The following HIP1 variants were observed in gnomAD, a reference collection of about 807,000 sequenced individuals.
HIP1 encodes the protein huntingtin-interacting protein 1.
A neutral mutation model predicts 147.6 loss-of-function variants in HIP1; 65 were observed. The ratio of observed to expected loss-of-function variants is 0.44; its 90% CI spans 0.36 to 0.54. The LOEUF (loss-of-function observed/expected upper bound fraction) is 0.54. Among genes scored for constraint, HIP1 ranks in the 20% least tolerant of loss-of-function variants. HIP1 has a pLI of 0.00. For missense variants in HIP1, 1,061 were observed against 1,299.6 expected (o/e 0.82, Z 2.82); for synonymous variants, 479 against 504.0 (o/e 0.95, Z 0.67).
chr7:75,681,523 T>C (rs1800070002), intron 1 of HIP1, among the ~76,000 whole-genome samples: 2 of 114,420 alleles, frequency 1.7e-5, no homozygotes, highest in African/African-American at 3.5e-5. Flanking sequence ...TTTTTTTTTT[T>C]TGAGACAGGG....
chr7:75,556,259 A>C, intron 17 of HIP1, 90 bp from the exon 18 acceptor site: 3 of 1,446,262 alleles, frequency 2.1e-6, no homozygotes, highest in Non-Finnish European at 2.8e-6. Context: ...CCGGGTTGCA[A>C]GGACTGGGAA....
chr7:75,553,379 C>T (rs782269213), intron 22 of HIP1, 74 bp downstream of exon 22: 318 of 1,534,852 alleles, frequency 2.1e-4, no homozygotes, highest in Non-Finnish European at 2.6e-4. Context: ...AGAACATCAC[C>T]GATTCCCTGG....
intron 1 of HIP1, among the ~76,000 whole-genome samples, chr7:75,631,076 G>A (rs1399101074): frequency 6.6e-6 from 1 of 151,974 alleles, no homozygotes; most frequent in African/African-American, 2.4e-5. Flanking sequence ...GCCTCAGCTG[G>A]GAGGATCCCT....
intron 1 of HIP1, among the ~76,000 whole-genome samples, chr7:75,615,236 G>C (rs1024770663): frequency 6.6e-6 from 1 of 152,054 alleles, no homozygotes; most frequent in African/African-American, 2.4e-5. Flanking sequence ...ACCAGGGGCT[G>C]TGAGAGAGCA....
chr7:75,568,163 G>A lies in HIP1; in HGVS notation c.803+36C>T. 2 of 1,468,060 alleles carry A rather than the reference G, an allele frequency of 1.4e-6. No homozygotes were observed. The highest frequency in any genetic ancestry group is 1.9e-6 in the Non-Finnish European group (2 of 1,046,968). The allele number at this position is 1,468,060 out of a possible 1,614,324, so 90.9% of individuals were successfully genotyped here. ...GGCTTAATGATTTTATAGCGCTCTT[G>A]AATTCACCTCCATTCCTGTTACTTG... On this transcript the variant is annotated intron_variant, in intron 9 of 30. Coordinates refer to ENST00000336926, the MANE Select transcript of HIP1 (RefSeq NM_005338.7). The surrounding 1 kb of genome is among the most constrained non-coding windows in gnomAD (Gnocchi z 4.1).
intron 1 of HIP1, among the ~76,000 whole-genome samples, chr7:75,672,283 T>C (rs1438161283): frequency 6.6e-6 from 1 of 152,132 alleles, no homozygotes; most frequent in Non-Finnish European, 1.5e-5. Context: ...TAATATGATT[T>C]CTAAGTATTT....
At position 75,603,303 on chromosome 7, in the gene HIP1, A is replaced by G. The variant is rs587717016; in HGVS notation, c.121-4056T>C. On this transcript the variant is annotated intron_variant, in intron 1 of 30. Transcript: ENST00000336926. ...GTTGAGAGTGCAGTAAGCAGTAATC[A>G]CGCCACTGCACTCCAGCCTGGGTGA... Among the ~76,000 whole-genome samples the G allele has an allele frequency of 2.0e-5, 3 of 149,816 alleles. No individual in the cohort carries two copies. In the South Asian group the frequency reaches 6.4e-4, roughly 32 times the overall value.
chr7:75,678,503 C>T (rs1433760566), intron 1 of HIP1, among the ~76,000 whole-genome samples: 2 of 152,068 alleles, frequency 1.3e-5, no homozygotes, highest in Non-Finnish European at 2.9e-5. Flanking sequence ...GCCACCACAC[C>T]CGGCTAATTT....
intron 1 of HIP1, among the ~76,000 whole-genome samples, chr7:75,612,958 G>T (rs190970855): frequency 2.6e-4 from 39 of 152,144 alleles, no homozygotes; most frequent in African/African-American, 8.7e-4. Context: ...ACAAAAATTA[G>T]CTGGGCATGG....
chr7:75,663,985 T>C (rs782213027), intron 1 of HIP1, among the ~76,000 whole-genome samples: 23 of 7,576 alleles, frequency 3.0e-3, no homozygotes, highest in Middle Eastern at 0.17. Context: ...CATATATGTG[T>C]ATATATATAC....
In HIP1 at chr7:75,607,221, G is replaced by GT. The variant is rs1192539117; in HGVS notation, c.121-7975dup. ...CCATCTCTACAAAAAAAAAAGAGTTGTTTTTTGTTTTGTTTTTTTTTTTTT... is the reference window on the plus strand; with the variant it reads ...CCATCTCTACAAAAAAAAAAGAGTTGTTTTTTTGTTTTGTTTTTTTTTTTTT... On this transcript the variant is annotated intron_variant, in intron 1 of 30. Transcript: ENST00000336926. Among the ~76,000 whole-genome samples, 205 of 138,136 alleles carry GT rather than the reference G, an allele frequency of 1.5e-3. 6 individuals carry two copies. The highest frequency in any genetic ancestry group is 9.2e-3 in the East Asian group (42 of 4,550). The allele number at this position is 138,136 out of a possible 152,430, so 90.6% of individuals were successfully genotyped here.
At chr7:75,666,806 G>T (rs952346899) in intron 1 of HIP1, among the ~76,000 whole-genome samples, 3 of 152,110 alleles carry the variant, frequency 2.0e-5, no homozygotes, top group Non-Finnish European at 4.4e-5. Context: ...GTGCTAAAAG[G>T]TTAAATAATT....
intron 1 of HIP1, among the ~76,000 whole-genome samples, chr7:75,664,577 T>TAC (rs1188206337): frequency 2.0e-5 from 3 of 147,462 alleles, no homozygotes; most frequent in African/African-American, 4.9e-5. Flanking sequence ...TACGTATACA[T>TAC]ACATATATAT....
rs186963724 is a variant in HIP1 at position 75,645,329 on chromosome 7, C to T, written c.121-46082G>A. On this transcript the variant is annotated intron_variant, in intron 1 of 30. Coordinates refer to ENST00000336926, the MANE Select transcript of HIP1 (RefSeq NM_005338.7). ...GCAACCTCCAACTCCCGGGTTCAAG[C>T]GATTCTCCTGCCTCAGCCTCCCGAG... Among the ~76,000 whole-genome samples, 555 of 152,156 alleles carry T rather than the reference C, an allele frequency of 3.6e-3. 1 individual carries two copies. The highest frequency in any genetic ancestry group is 0.013 in the African/African-American group (538 of 41,512).
chr7:75,647,353 G>T (rs1357022282), intron 1 of HIP1, among the ~76,000 whole-genome samples: 1 of 151,586 alleles, frequency 6.6e-6, no homozygotes. Context: ...AGCAGAGATC[G>T]TGCCACTGCA....
chr7:75,621,857 G>A (rs2117094669), intron 1 of HIP1, among the ~76,000 whole-genome samples: 1 of 152,322 alleles, frequency 6.6e-6, no homozygotes, highest in South Asian at 2.1e-4. Context: ...TAGAGGGACT[G>A]AGCTGCCATT....
chr7:75,589,315 A>AAAAAC (rs1554500217), intron 4 of HIP1, among the ~76,000 whole-genome samples: 7 of 152,058 alleles, frequency 4.6e-5, no homozygotes, highest in Non-Finnish European at 8.8e-5. Context: ...GCAAAGACAA[A>AAAAAC]TAGGTAGAAA....
At chr7:75,565,329 CCA>C (rs1940807637) in intron 9 of HIP1, among the ~76,000 whole-genome samples, 1 of 152,214 alleles carries the variant, frequency 6.6e-6, no homozygotes. Flanking sequence ...AATCACCTGA[CCA>C]CACATCCCCA....
intron 1 of HIP1, among the ~76,000 whole-genome samples, chr7:75,728,118 T>C (rs1291785789): frequency 6.6e-6 from 1 of 152,178 alleles, no homozygotes; most frequent in African/African-American, 2.4e-5. Flanking sequence ...AAAGGAGTAA[T>C]GTGTCAACAT....
Sources: gnomAD v4.1 joint callset for allele counts (sites outside exome capture counted in the v4.1 genomes callset) on GRCh38, gnomAD v4.1.1 for gene constraint, Gnocchi (gnomAD v3.1) non-coding constraint, MANE v1.5 for transcripts, NCBI Gene and HGNC (gene_info 2026-07-23, HGNC 2026-07-21) for gene names.